DMD: variants seen among roughly 807,000 people sequenced by gnomAD.
DMD encodes the protein mutant dystrophin.
A neutral mutation model predicts 330.1 loss-of-function variants in DMD; 63 were observed. That is an observed-to-expected ratio of 0.19 (90% CI 0.16 to 0.24). The LOEUF is 0.24. DMD is among the 10% of genes least tolerant of loss of function. The pLI is 1.00. For synonymous variants in DMD, 1,223 were observed against 959.8 expected, an observed-to-expected ratio of 1.27 and a Z score of -5.07; for missense variants, 3,344 against 2,684.1, an observed-to-expected ratio of 1.25 and a Z score of -5.43.
intron 2 of DMD, among the ~76,000 whole-genome samples, chrX:32,885,645 A>T (rs2084446091): frequency 1.8e-5 from 2 of 111,047 alleles, no homozygotes; most frequent in Admixed American, 1.9e-4. Context: ...AAGCTAGATG[A>T]TGTTGTTAAA....
At chrX:31,286,293 T>C (rs1005996706) in intron 62 of DMD, among the ~76,000 whole-genome samples, 2 of 112,224 alleles carry the variant, frequency 1.8e-5, no homozygotes, top group African/African-American at 6.5e-5. Context: ...AAAGTAGAAA[T>C]ATAAATTATA....
At chrX:32,588,869 T>C (rs1030303638) in intron 13 of DMD, among the ~76,000 whole-genome samples, 17 of 112,093 alleles carry the variant, frequency 1.5e-4, no homozygotes, top group African/African-American at 5.5e-4. Context: ...GGTGTCATGA[T>C]AAGTGCCAGT....
chrX:32,569,069 G>C (rs1310886402), intron 15 of DMD, among the ~76,000 whole-genome samples: 1 of 111,966 alleles, frequency 8.9e-6, no homozygotes, highest in Non-Finnish European at 1.9e-5. Flanking sequence ...AGCTGGGATA[G>C]TAAAAGAATA....
chrX:32,541,609 T>C (rs60712041), intron 17 of DMD, among the ~76,000 whole-genome samples: 1 of 111,142 alleles, frequency 9.0e-6, no homozygotes, highest in Non-Finnish European at 1.9e-5. Flanking sequence ...TGAGTACACA[T>C]GGACACAAAG....
Position 32,463,573 on chromosome X carries a change from T to A in DMD, c.3298A>T (p.Thr1100Ser). Reference sequence around the variant, plus strand: ...ACACTGTTTAGACTGGGCTGAATTGTCTGAATATCACTGACTAAAAGCTAA... The same window carrying A: ...ACACTGTTTAGACTGGGCTGAATTGACTGAATATCACTGACTAAAAGCTAA... ...QCRLLVSDIQTIQPSLNSVNE... is the reference protein window; with the variant it reads ...QCRLLVSDIQSIQPSLNSVNE... The change falls in exon 25 of 79, where the codon ACA (threonine) becomes TCA (serine). Residue 1100 changes from threonine (T) to serine (S), a missense_variant. By Grantham distance (58) the Thr-to-Ser change is moderately conservative (BLOSUM62 1). Coordinates refer to ENST00000357033, the MANE Select transcript of DMD (RefSeq NM_004006.3). The A allele has an allele frequency of 8.5e-7, 1 of 1,176,301 alleles. No homozygotes were observed. The highest frequency in any genetic ancestry group is 1.1e-6 in the Non-Finnish European group (1 of 876,624).
intron 7 of DMD, among the ~76,000 whole-genome samples, chrX:32,758,052 G>A (rs2148350555): frequency 8.9e-6 from 1 of 111,958 alleles, no homozygotes; most frequent in Non-Finnish European, 1.9e-5. Context: ...CAAGGTTGAG[G>A]TACAGTTACC....
chrX:32,173,509 A>G (rs754768577), intron 44 of DMD, among the ~76,000 whole-genome samples: 7 of 109,609 alleles, frequency 6.4e-5, no homozygotes, highest in Admixed American at 5.9e-4. Context: ...AGTAGCTGGG[A>G]TTACAGGCAT....
intron 47 of DMD, among the ~76,000 whole-genome samples, chrX:31,929,292 T>G (rs1450329636): frequency 8.9e-6 from 1 of 111,912 alleles, no homozygotes; most frequent in Non-Finnish European, 1.9e-5. Context: ...TGTCAGTACA[T>G]GCCTGGCCAC....
chrX:33,252,922 A>G (rs2052795124), intron 1 of DMD, among the ~76,000 whole-genome samples: 1 of 111,957 alleles, frequency 8.9e-6, no homozygotes, highest in African/African-American at 3.2e-5. Flanking sequence ...GACAGCAACA[A>G]TGCTAAATTT....
At chrX:32,633,087 C>A (rs1206118923) in intron 11 of DMD, among the ~76,000 whole-genome samples, 1 of 112,089 alleles carries the variant, frequency 8.9e-6, no homozygotes, top group African/African-American at 3.2e-5. Flanking sequence ...TGTAAAAAAC[C>A]TGCACGTTCT....
chrX:33,322,641 T>C (rs748736171), intron 1 of DMD, among the ~76,000 whole-genome samples: 1 of 111,645 alleles, frequency 9.0e-6, no homozygotes, highest in African/African-American at 3.3e-5. Context: ...AAGTGAATGA[T>C]ATTTGAACTG....
chrX:32,429,844 A>T (rs1347981245), intron 29 of DMD, among the ~76,000 whole-genome samples: 1 of 111,184 alleles, frequency 9.0e-6, no homozygotes, highest in Admixed American at 9.6e-5. Context: ...AAATGAAATT[A>T]GATATTCTTA....
intron 4 of DMD, among the ~76,000 whole-genome samples, chrX:32,832,384 C>G (rs1293799261): frequency 9.0e-6 from 1 of 111,602 alleles, no homozygotes; most frequent in Non-Finnish European, 1.9e-5. Context: ...CTTCCTGACA[C>G]TGAAACCTCA....
chrX:32,324,071 A>T (rs2097636897), intron 41 of DMD, among the ~76,000 whole-genome samples: 1 of 110,975 alleles, frequency 9.0e-6, no homozygotes, highest in Admixed American at 9.7e-5. Flanking sequence ...GTAAGTGCTA[A>T]TGTTTGAAAG....
intron 60 of DMD, among the ~76,000 whole-genome samples, chrX:31,362,319 G>A (rs2058981717): frequency 8.9e-6 from 1 of 111,844 alleles, no homozygotes; most frequent in South Asian, 3.7e-4. Context: ...CTGACATGAC[G>A]TCACAAGTGG....
chrX:31,907,837 C>T (rs1195874284), intron 47 of DMD, among the ~76,000 whole-genome samples: 1 of 112,214 alleles, frequency 8.9e-6, no homozygotes, highest in Non-Finnish European at 1.9e-5. Flanking sequence ...GGGCTAATAT[C>T]GAGAATCTAC....
At chrX:31,492,486 G>A (rs10521972) in intron 57 of DMD, among the ~76,000 whole-genome samples, 18,733 of 111,348 alleles carry the variant, frequency 0.17, 1,407 homozygotes, top group African/African-American at 0.28. Context: ...TTTGAGGAAG[G>A]AGAGTGTTTT....
At chrX:33,036,809 G>GTA (rs150933084) in intron 1 of DMD, among the ~76,000 whole-genome samples, 50,875 of 105,591 alleles carry the variant, frequency 0.48, 9,866 homozygotes, top group Non-Finnish European at 0.58. Context: ...GCATGTGTGT[G>GTA]TATATATATA....
Position 32,632,733 on chromosome X carries a change from G to C in DMD, c.1331+11399C>G, listed in dbSNP as rs915023830. On this transcript the variant is annotated intron_variant, in intron 11 of 78. Coordinates refer to ENST00000357033, the MANE Select transcript of DMD (RefSeq NM_004006.3). Reference sequence around the variant, plus strand: ...CTACAGTGGCCAGGACGCTGGGTGCGGGGGGGAGGGGTTGGGGCGGGGGCA... The same window carrying C: ...CTACAGTGGCCAGGACGCTGGGTGCCGGGGGGAGGGGTTGGGGCGGGGGCA... 1.0e-4 allele frequency among the ~76,000 whole-genome samples: 11 copies of C among 106,923 alleles called. 1 individual carries two copies. The highest frequency in any genetic ancestry group is 3.9e-4 in the Admixed American group (4 of 10,283). The allele number at this position is 106,923 out of a possible 115,157, so 92.8% of individuals were successfully genotyped here.
Sources: gnomAD v4.1 joint callset for allele counts (sites outside exome capture counted in the v4.1 genomes callset) on GRCh38, gnomAD v4.1.1 for gene constraint, MANE v1.5 for transcripts, NCBI Gene and HGNC (gene_info 2026-07-23, HGNC 2026-07-21) for gene names.